Variants in SEPTIN10 observed in about 807,000 individuals in gnomAD.
SEPTIN10 encodes the protein septin 10, also known as septin-10.
In SEPTIN10, 66 loss-of-function variants were observed where a neutral mutation model predicts 54.8. The ratio of observed to expected loss-of-function variants is 1.21; its 90% CI spans 0.99 to 1.48. SEPTIN10 has a LOEUF of 1.48. Among genes scored for constraint, SEPTIN10 ranks in the 40% most tolerant of loss-of-function variants. The pLI is 0.00. For missense variants in SEPTIN10, 620 were observed against 545.6 expected (o/e 1.14, Z -1.36); for synonymous variants, 161 against 181.0 (o/e 0.89, Z 0.89).
intron 1 of SEPTIN10, among the ~76,000 whole-genome samples, chr2:109,596,285 G>T (rs1210375126): frequency 1.3e-5 from 2 of 152,102 alleles, no homozygotes; most frequent in African/African-American, 4.8e-5. Flanking sequence ...GTGAAATGTT[G>T]CTTAGTGTTG....
At chr2:109,545,283 G>C in intron 10 of SEPTIN10, 2 of 1,421,914 alleles carry the variant, frequency 1.4e-6, no homozygotes, top group Non-Finnish European at 1.8e-6. Flanking sequence ...GGATACTTAA[G>C]TGGGAGAAAT....
At chr2:109,545,703 G>A in intron 10 of SEPTIN10, 1 of 1,457,988 alleles carries the variant, frequency 6.9e-7, no homozygotes, top group Admixed American at 2.4e-5. Context: ...CTCATGGTAG[G>A]TCAGCAGCCA....
chr2:109,605,077 C>T (rs539407080), intron 1 of SEPTIN10: 2 of 152,276 alleles, frequency 1.3e-5, no homozygotes, highest in South Asian at 2.1e-4. Flanking sequence ...AACAAATATA[C>T]GTGGCCCAGT....
intron 4 of SEPTIN10, among the ~76,000 whole-genome samples, chr2:109,579,380 CCCT>C (rs1235147573): frequency 6.6e-6 from 1 of 151,286 alleles, no homozygotes; most frequent in Non-Finnish European, 1.5e-5. Context: ...TAACTCCAGG[CCCT>C]CCTTTTTTTT....
At chr2:109,559,929 T>G (rs1685247095) in intron 8 of SEPTIN10, among the ~76,000 whole-genome samples, 2 of 149,970 alleles carry the variant, frequency 1.3e-5, no homozygotes, top group Non-Finnish European at 3.0e-5. Context: ...TTTTTTTTTT[T>G]TTGTCTTTTA....
chr2:109,610,439 G>A (rs1317831497), intron 1 of SEPTIN10, among the ~76,000 whole-genome samples: 3 of 152,178 alleles, frequency 2.0e-5, no homozygotes, highest in African/African-American at 4.8e-5. Context: ...TCTGGGCCGG[G>A]CATGGTGGCT....
At chr2:109,594,932 G>A (rs28689803) in intron 1 of SEPTIN10, 1 of 151,800 alleles carries the variant, frequency 6.6e-6, no homozygotes, top group Non-Finnish European at 1.5e-5. Flanking sequence ...CCGTCACCCA[G>A]GCTGGAGTGC....
At chr2:109,601,448 A>G (rs911794254) in intron 1 of SEPTIN10, among the ~76,000 whole-genome samples, 1 of 152,234 alleles carries the variant, frequency 6.6e-6, no homozygotes, top group Non-Finnish European at 1.5e-5. Flanking sequence ...ATTTCTGTCA[A>G]TTTGACAGGC....
chr2:109,589,797 T>G (rs1301581529), intron 2 of SEPTIN10, among the ~76,000 whole-genome samples: 1 of 151,976 alleles, frequency 6.6e-6, no homozygotes, highest in Non-Finnish European at 1.5e-5. Context: ...CAAGAACTTA[T>G]GCATCAATGT....
intron 5 of SEPTIN10, among the ~76,000 whole-genome samples, chr2:109,572,324 G>A (rs751535744): frequency 2.0e-5 from 3 of 152,114 alleles, no homozygotes; most frequent in African/African-American, 7.2e-5. Context: ...TAGTAGAGAC[G>A]GGGTTTCACC....
intron 1 of SEPTIN10, among the ~76,000 whole-genome samples, chr2:109,597,598 G>GT (rs1198655184): frequency 6.6e-6 from 1 of 152,164 alleles, no homozygotes; most frequent in Non-Finnish European, 1.5e-5. Flanking sequence ...TGCTTTTCCT[G>GT]TAGCTTCTAT....
chr2:109,543,909 A>G lies in SEPTIN10; in HGVS notation c.*400T>C, dbSNP rs1680517121. On this transcript the variant is annotated 3_prime_UTR_variant, in exon 11 of 11. Coordinates refer to ENST00000397712, the MANE Select transcript of SEPTIN10 (RefSeq NM_144710.5). The stretch of plus-strand genomic sequence containing the variant: ...GGACCCGACTCTAATTACATAATTC[A>G]TGTTTCACATCCACCTTATACATAT... The G allele has an allele frequency of 2.2e-6, 1 of 458,088 alleles. No individual in the cohort carries two copies. The highest frequency in any genetic ancestry group is 3.9e-6 in the Non-Finnish European group (1 of 259,690). 28.4% of individuals were successfully genotyped at this position (458,088 alleles called of 1,614,324 possible).
At chr2:109,611,627 G>A (rs1026797258) in intron 1 of SEPTIN10, among the ~76,000 whole-genome samples, 17 of 151,796 alleles carry the variant, frequency 1.1e-4, no homozygotes, top group African/African-American at 4.1e-4. Context: ...GGCTGTGGTG[G>A]TGCACACCTA....
At chr2:109,573,203 A>C (rs552369104) in intron 5 of SEPTIN10, among the ~76,000 whole-genome samples, 1 of 152,160 alleles carries the variant, frequency 6.6e-6, no homozygotes, top group Non-Finnish European at 1.5e-5. Flanking sequence ...ACTGAAAATC[A>C]CTTAAGTCCA....
In SEPTIN10 at chr2:109,546,066, C is replaced by T. The variant is rs1169789100; in HGVS notation, c.1333G>A (p.Asp445Asn). 2 of 1,589,206 alleles carry T rather than the reference C, an allele frequency of 1.3e-6. No individual in the cohort carries two copies. Among genetic ancestry groups the T allele is most frequent in the African/African-American group, 2.7e-5 (2 of 72,746 alleles). The change falls in exon 10 of 11, where the codon GAC (aspartate) becomes AAC (asparagine). Residue 445 changes from aspartate (D) to asparagine (N), a missense_variant. Coordinates refer to ENST00000397712, the MANE Select transcript of SEPTIN10 (RefSeq NM_144710.5). ...FLATGSNLRK[D>N]KDRKNSNFL ...GCCTCTTACTTCTTACGGTCCTTGT[C>T]CTTCCTCAGGTTGCTGCCTGTTGCC...
At chr2:109,567,687 T>A in intron 6 of SEPTIN10, 128 bp downstream of exon 6, 1 of 964,402 alleles carries the variant, frequency 1.0e-6, no homozygotes. Context: ...CTGGACTTTT[T>A]GAAAATTCAC....
chr2:109,610,430 C>T (rs1278973030), intron 1 of SEPTIN10, among the ~76,000 whole-genome samples: 3 of 151,728 alleles, frequency 2.0e-5, no homozygotes, highest in Non-Finnish European at 4.4e-5. Flanking sequence ...AAAAAAAGGT[C>T]TGGGCCGGGC....
chr2:109,562,846 A>G (rs1686022602), intron 8 of SEPTIN10, among the ~76,000 whole-genome samples: 1 of 152,164 alleles, frequency 6.6e-6, no homozygotes, highest in African/African-American at 2.4e-5. Context: ...TACGAGAATG[A>G]CTGGCCCACA....
At chr2:109,573,094 T>C (rs779771223) in intron 5 of SEPTIN10, among the ~76,000 whole-genome samples, 1 of 152,162 alleles carries the variant, frequency 6.6e-6, no homozygotes, top group Non-Finnish European at 1.5e-5. Flanking sequence ...GGTATGCCTA[T>C]TTGCTAAACC....
Sources: gnomAD v4.1 joint callset for allele counts (sites outside exome capture counted in the v4.1 genomes callset) on GRCh38, gnomAD v4.1.1 for gene constraint, MANE v1.5 for transcripts, NCBI Gene and HGNC (gene_info 2026-07-23, HGNC 2026-07-21) for gene names.